The following CTNND2 variants were observed in gnomAD, a reference collection of about 807,000 sequenced individuals.
The protein encoded by CTNND2 is catenin delta 2, also known as catenin delta-2.
A neutral mutation model predicts 144.4 loss-of-function variants in CTNND2; 22 were observed. That is an observed-to-expected ratio of 0.15 (90% CI 0.11 to 0.22). CTNND2 has a LOEUF of 0.22. Among genes scored for constraint, CTNND2 ranks in the 10% least tolerant of loss-of-function variants. The probability of loss-of-function intolerance (pLI) is 1.00; values close to 1 mark genes in which losing one functional copy is unlikely to be tolerated. For synonymous variants in CTNND2, 751 were observed against 695.6 expected, an observed-to-expected ratio of 1.08 and a Z score of -1.25; for missense variants, 1,353 against 1,618.8, an observed-to-expected ratio of 0.84 and a Z score of 2.82.
At chr5:11,694,259 C>A (rs1364242634) in intron 2 of CTNND2, among the ~76,000 whole-genome samples, 1 of 151,930 alleles carries the variant, frequency 6.6e-6, no homozygotes. Flanking sequence ...CACGGTGAAA[C>A]CCCGTCTCTA....
chr5:11,634,168 C>G (rs1275722522), intron 2 of CTNND2, among the ~76,000 whole-genome samples: 1 of 152,162 alleles, frequency 6.6e-6, no homozygotes, highest in African/African-American at 2.4e-5. Context: ...CGACTATATA[C>G]TCATCAGAAA....
intron 1 of CTNND2, among the ~76,000 whole-genome samples, chr5:11,843,284 A>G (rs1794569146): frequency 6.6e-6 from 1 of 152,040 alleles, no homozygotes; most frequent in Non-Finnish European, 1.5e-5. Flanking sequence ...ATAATTACAT[A>G]AATCATTTTA....
At chr5:11,303,732 C>T (rs185736783) in intron 9 of CTNND2, among the ~76,000 whole-genome samples, 56 of 152,296 alleles carry the variant, frequency 3.7e-4, no homozygotes, top group African/African-American at 1.3e-3. Context: ...CCACTTTGTT[C>T]AGTAGCCTTG....
chr5:11,498,908 T>C (rs1010926109), intron 3 of CTNND2, among the ~76,000 whole-genome samples: 1 of 152,210 alleles, frequency 6.6e-6, no homozygotes, highest in African/African-American at 2.4e-5. Context: ...GTCTAAGATC[T>C]GGATGTGTGT....
intron 2 of CTNND2, among the ~76,000 whole-genome samples, chr5:11,609,094 T>G (rs1780198156): frequency 6.6e-6 from 1 of 152,190 alleles, no homozygotes; most frequent in Non-Finnish European, 1.5e-5. Context: ...CACCTTCCCC[T>G]CAGCCAGCAC....
intron 2 of CTNND2, among the ~76,000 whole-genome samples, chr5:11,606,962 A>G (rs1239387224): frequency 6.6e-6 from 1 of 152,230 alleles, no homozygotes; most frequent in Non-Finnish European, 1.5e-5. Flanking sequence ...TCAAGTTAAA[A>G]TAATATCAAT....
chr5:11,102,595 C>G (rs1752006106), intron 14 of CTNND2, among the ~76,000 whole-genome samples: 1 of 152,152 alleles, frequency 6.6e-6, no homozygotes, highest in Non-Finnish European at 1.5e-5. Flanking sequence ...AACTGCATGA[C>G]TAATATCCAT....
At chr5:11,534,324 C>T (rs1275627977) in intron 3 of CTNND2, among the ~76,000 whole-genome samples, 1 of 152,072 alleles carries the variant, frequency 6.6e-6, no homozygotes, top group Non-Finnish European at 1.5e-5. Context: ...GACAGAAATC[C>T]TGAGGGTGCG....
chr5:11,362,692 C>T (rs185809721), intron 8 of CTNND2, among the ~76,000 whole-genome samples: 1 of 152,154 alleles, frequency 6.6e-6, no homozygotes, highest in Non-Finnish European at 1.5e-5. Context: ...ACATTTATTA[C>T]CAGGAAAAGC....
intron 1 of CTNND2, among the ~76,000 whole-genome samples, chr5:11,842,185 G>T (rs1171375336): frequency 6.6e-6 from 1 of 151,992 alleles, no homozygotes; most frequent in Non-Finnish European, 1.5e-5. Context: ...TCTCTGAAAT[G>T]AAGGATGGTA....
In CTNND2 at chr5:11,903,389, A is replaced by G. The variant is rs1404098934; in HGVS notation, c.37+428T>C. The G allele has an allele frequency of 9.9e-7, 1 of 1,011,088 alleles. No homozygotes were observed. Among genetic ancestry groups the G allele is most frequent in the Non-Finnish European group, 1.2e-6 (1 of 847,454 alleles). The allele number at this position is 1,011,088 out of a possible 1,614,324, so 62.6% of individuals were successfully genotyped here. The stretch of plus-strand genomic sequence containing the variant: ...TGTTCTAGCCAAACATCGTAATGAC[A>G]TTGAACATAAGGGCAAAAGACTGGA... On this transcript the variant is annotated intron_variant, in intron 1 of 21. Transcript: ENST00000304623. The surrounding 1 kb of genome is among the most constrained non-coding windows in gnomAD (Gnocchi z 5.4).
intron 12 of CTNND2, among the ~76,000 whole-genome samples, chr5:11,127,454 C>T (rs554587452): frequency 4.6e-5 from 7 of 152,336 alleles, no homozygotes; most frequent in African/African-American, 1.7e-4. Flanking sequence ...AGGGCTTCTT[C>T]CCCCACCAGC....
At chr5:11,516,438 A>C (rs185626576) in intron 3 of CTNND2, among the ~76,000 whole-genome samples, 47 of 152,280 alleles carry the variant, frequency 3.1e-4, no homozygotes, top group African/African-American at 9.9e-4. Context: ...TTACATATAG[A>C]AACTGCTGAG....
intron 8 of CTNND2, among the ~76,000 whole-genome samples, chr5:11,353,229 GTAC>G (rs1755511917): frequency 6.6e-6 from 1 of 152,058 alleles, no homozygotes; most frequent in Non-Finnish European, 1.5e-5. Context: ...TACATGGCAG[GTAC>G]TACTATCATT....
chr5:11,213,774 G>A (rs1215297123), intron 10 of CTNND2, among the ~76,000 whole-genome samples: 3 of 151,990 alleles, frequency 2.0e-5, no homozygotes, highest in East Asian at 1.9e-4. Context: ...CAGTTTGGGG[G>A]TTAGTACTGC....
At chr5:11,756,776 T>TTGC (rs72535960) in intron 1 of CTNND2, among the ~76,000 whole-genome samples, 1 of 150,866 alleles carries the variant, frequency 6.6e-6, no homozygotes, top group African/African-American at 2.4e-5. Context: ...ATTTATCATG[T>TTGC]TTAAATCTGT....
intron 1 of CTNND2, among the ~76,000 whole-genome samples, chr5:11,771,061 A>C (rs1021482616): frequency 6.6e-6 from 1 of 152,136 alleles, no homozygotes; most frequent in Admixed American, 6.5e-5. Flanking sequence ...CTAGTAACAT[A>C]CTCATAAAAT....
At chr5:11,306,149 T>C (rs891186523) in intron 9 of CTNND2, among the ~76,000 whole-genome samples, 5 of 152,152 alleles carry the variant, frequency 3.3e-5, no homozygotes, top group African/African-American at 1.2e-4. Flanking sequence ...AAGAACTGAT[T>C]AGAAGAAAGC....
rs1457895296 is a variant in CTNND2, at chr5:11,903,540, G to A, written c.37+277C>T. Among the ~76,000 whole-genome samples, 5 of 151,810 alleles carry A rather than the reference G, an allele frequency of 3.3e-5. No homozygotes were observed. In the South Asian group the frequency reaches 6.3e-4, roughly 19 times the overall value. ...TGTTGCCCTAAATACGCTTCCTCCC[G>A]GGGAGATGGGTGGCAGGGAGGGGGA... On this transcript the variant is annotated intron_variant, in intron 1 of 21. Transcript: ENST00000304623. The surrounding 1 kb of genome is among the most constrained non-coding windows in gnomAD (Gnocchi z 5.4).
Sources: allele counts gnomAD v4.1 joint callset (sites outside exome capture counted in the v4.1 genomes callset), GRCh38; gene constraint gnomAD v4.1.1; non-coding constraint Gnocchi (gnomAD v3.1); transcripts MANE v1.5; gene names NCBI Gene and HGNC (gene_info 2026-07-23, HGNC 2026-07-21).